The following RASAL2 variants were observed in gnomAD, a reference collection of about 807,000 sequenced individuals.
The protein encoded by RASAL2 is ras GTPase-activating protein nGAP.
RASAL2 carries 58 observed loss-of-function variants against 128.9 expected under a neutral mutation model. That is an observed-to-expected ratio of 0.45 (90% CI 0.36 to 0.56). The LOEUF is 0.56. RASAL2 is among the 20% of genes least tolerant of loss of function. RASAL2 has a pLI of 0.00. For missense variants in RASAL2, 1,360 were observed against 1,601.6 expected (o/e 0.85, Z 2.57); for synonymous variants, 561 against 580.8 (o/e 0.97, Z 0.49).
At chr1:178,456,973 A>C (rs1279143481) in intron 13 of RASAL2, 74 bp downstream of exon 13, 1 of 1,448,710 alleles carries the variant, frequency 6.9e-7, no homozygotes, top group African/African-American at 1.4e-5. Context: ...TATTCAACCT[A>C]TTTGTTGAAT....
At chr1:178,362,568 T>G (rs1005664779) in intron 3 of RASAL2, among the ~76,000 whole-genome samples, 2 of 150,458 alleles carry the variant, frequency 1.3e-5, no homozygotes, top group Non-Finnish European at 3.0e-5. Flanking sequence ...ATAGTCCTCA[T>G]GTTGTACACT....
Position 178,224,688 on chromosome 1 carries a change from A to G in RASAL2, c.203-58876A>G, listed in dbSNP as rs941584351. On this transcript the variant is annotated intron_variant, in intron 1 of 17. Transcript: ENST00000367649. ...ACTCTCTTTGTTAACCGTAGCATCTATCATGTATTCTAATACAAAAGAGCA... is the reference window on the plus strand; with the variant it reads ...ACTCTCTTTGTTAACCGTAGCATCTGTCATGTATTCTAATACAAAAGAGCA... Among the ~76,000 whole-genome samples, 3 of 152,282 alleles carry G rather than the reference A, an allele frequency of 2.0e-5. No individual in the cohort carries two copies. In the Middle Eastern group the frequency reaches 0.01, roughly 518 times the overall value.
At chr1:178,185,695 T>G (rs1419175907) in intron 1 of RASAL2, among the ~76,000 whole-genome samples, 32 of 152,108 alleles carry the variant, frequency 2.1e-4, no homozygotes, top group Admixed American at 2.1e-3. Flanking sequence ...ATTACATTTA[T>G]TGATTTGAAC....
At chr1:178,195,681 G>T (rs757294488) in intron 1 of RASAL2, among the ~76,000 whole-genome samples, 1 of 151,864 alleles carries the variant, frequency 6.6e-6, no homozygotes, top group African/African-American at 2.4e-5. Flanking sequence ...TTTTCGTCTC[G>T]AAAATACTGC....
chr1:178,459,589 C>T (rs1205444099), intron 14 of RASAL2, among the ~76,000 whole-genome samples: 1 of 152,156 alleles, frequency 6.6e-6, no homozygotes, highest in Non-Finnish European at 1.5e-5. Context: ...TAGGCACTTA[C>T]CTATATGGCT....
intron 6 of RASAL2, 33 bp downstream of exon 6, chr1:178,439,608 G>C: frequency 6.3e-7 from 1 of 1,597,820 alleles, no homozygotes; most frequent in South Asian, 1.1e-5. Flanking sequence ...AGGAAGAGTA[G>C]TTAAACAACA....
chr1:178,398,129 T>C (rs1673366041), intron 4 of RASAL2, among the ~76,000 whole-genome samples: 1 of 152,274 alleles, frequency 6.6e-6, no homozygotes, highest in Non-Finnish European at 1.5e-5. Flanking sequence ...CAGTTTTTTT[T>C]AGTTAATCGT....
intron 1 of RASAL2, among the ~76,000 whole-genome samples, chr1:178,209,763 C>T (rs950855337): frequency 1.3e-5 from 2 of 151,794 alleles, no homozygotes; most frequent in Non-Finnish European, 2.9e-5. Context: ...ATATCATTAT[C>T]TGATTAATAT....
chr1:178,098,367 C>T (rs1425528045), intron 1 of RASAL2, among the ~76,000 whole-genome samples: 2 of 152,192 alleles, frequency 1.3e-5, no homozygotes, highest in East Asian at 3.8e-4. Flanking sequence ...GCATCAAATG[C>T]AGAACATTTT....
At chr1:178,305,667 C>T (rs1171901298) in intron 3 of RASAL2, among the ~76,000 whole-genome samples, 1 of 151,994 alleles carries the variant, frequency 6.6e-6, no homozygotes, top group Non-Finnish European at 1.5e-5. Context: ...TTTTTGCACA[C>T]GTTAAGTTTG....
chr1:178,416,921 A>G (rs1181462369), intron 4 of RASAL2, among the ~76,000 whole-genome samples: 3 of 147,980 alleles, frequency 2.0e-5, no homozygotes, highest in Admixed American at 1.3e-4. Flanking sequence ...GTTTTTCTGC[A>G]GTTTGAAAAT....
intron 3 of RASAL2, among the ~76,000 whole-genome samples, chr1:178,313,187 C>G (rs1340898510): frequency 6.6e-6 from 1 of 151,986 alleles, no homozygotes; most frequent in East Asian, 1.9e-4. Context: ...TATTATGTAA[C>G]TATATAGGGA....
intron 17 of RASAL2, chr1:178,470,792 A>G: frequency 8.1e-7 from 1 of 1,235,010 alleles, no homozygotes. Flanking sequence ...CTGGCCTCCT[A>G]CACATTCCAG....
intron 1 of RASAL2, among the ~76,000 whole-genome samples, chr1:178,264,492 A>G (rs763446499): frequency 3.3e-5 from 5 of 152,298 alleles, no homozygotes; most frequent in Non-Finnish European, 7.4e-5. Flanking sequence ...AGAGGTTCTT[A>G]CAACCCCCTC....
chr1:178,327,170 A>G (rs930522894), intron 3 of RASAL2, among the ~76,000 whole-genome samples: 4 of 152,128 alleles, frequency 2.6e-5, no homozygotes, highest in Non-Finnish European at 5.9e-5. Flanking sequence ...AGTTGCTCCC[A>G]TGGAGGTCCT....
chr1:178,416,283 T>G (rs1674751244), intron 4 of RASAL2, among the ~76,000 whole-genome samples: 1 of 152,106 alleles, frequency 6.6e-6, no homozygotes, highest in African/African-American at 2.4e-5. Context: ...AATGTATAAC[T>G]AATGTAAGTC....
intron 17 of RASAL2, 124 bp downstream of exon 17, chr1:178,467,545 A>G: frequency 1.4e-6 from 1 of 719,216 alleles, no homozygotes. Flanking sequence ...TCTAGACGCT[A>G]CATTTTGAAG....
chr1:178,127,728 T>C (rs1659952551), intron 1 of RASAL2, among the ~76,000 whole-genome samples: 1 of 152,104 alleles, frequency 6.6e-6, no homozygotes, highest in South Asian at 2.1e-4. Context: ...TCCATACTTA[T>C]TCTAGAATCT....
intron 14 of RASAL2, among the ~76,000 whole-genome samples, chr1:178,462,350 A>G (rs578164216): frequency 6.6e-6 from 1 of 152,316 alleles, no homozygotes; most frequent in South Asian, 2.1e-4. Flanking sequence ...TAAATGAATA[A>G]TATTTTATTG....
Sources: gnomAD v4.1 joint callset for allele counts (sites outside exome capture counted in the v4.1 genomes callset) on GRCh38, gnomAD v4.1.1 for gene constraint, MANE v1.5 for transcripts, NCBI Gene and HGNC (gene_info 2026-07-23, HGNC 2026-07-21) for gene names.